The following SPATS2 variants were observed in gnomAD, a reference collection of about 807,000 sequenced individuals.
SPATS2 encodes the protein spermatogenesis-associated serine-rich protein 2.
In SPATS2, 38 loss-of-function variants were observed where a neutral mutation model predicts 63.7. That is an observed-to-expected ratio of 0.60 (90% confidence interval 0.46 to 0.78). The LOEUF (loss-of-function observed/expected upper bound fraction) is 0.78, where lower values mean the gene tolerates loss of function less well. Among genes scored for constraint, SPATS2 ranks in the 30% least tolerant of loss-of-function variants. SPATS2 has a pLI of 0.00. For missense variants in SPATS2, 588 were observed against 666.2 expected, an observed-to-expected ratio of 0.88 and a Z score of 1.29; for synonymous variants, 207 against 232.9, an observed-to-expected ratio of 0.89 and a Z score of 1.01.
At chr12:49,436,068 C>T (rs979003819) in intron 2 of SPATS2, among the ~76,000 whole-genome samples, 3 of 151,852 alleles carry the variant, frequency 2.0e-5, no homozygotes, top group East Asian at 3.9e-4. Context: ...GGCAACCATC[C>T]GATTTCTCAA....
chr12:49,438,890 G>C (rs1356962977), intron 2 of SPATS2, among the ~76,000 whole-genome samples: 1 of 152,120 alleles, frequency 6.6e-6, no homozygotes, highest in South Asian at 2.1e-4. Context: ...GAATTATCAA[G>C]ATAATCAAAG....
intron 2 of SPATS2, among the ~76,000 whole-genome samples, chr12:49,372,860 A>G (rs1415471649): frequency 6.6e-6 from 1 of 152,080 alleles, no homozygotes. Context: ...GCTGTAACAT[A>G]ATACCAAATA....
intron 2 of SPATS2, among the ~76,000 whole-genome samples, chr12:49,433,009 A>G (rs548746404): frequency 2.0e-5 from 3 of 152,280 alleles, no homozygotes; most frequent in South Asian, 2.1e-4. Flanking sequence ...CATAGTGGCC[A>G]TTACCATTTT....
At chr12:49,387,638 CAAAAAAAA>C (rs35910147) in intron 2 of SPATS2, among the ~76,000 whole-genome samples, 3 of 66,174 alleles carry the variant, frequency 4.5e-5, no homozygotes, top group Non-Finnish European at 6.3e-5. Flanking sequence ...GACTCTGTCT[CAAAAAAAA>C]AAAAAAAAAA....
chr12:49,367,282 G>A, upstream of SPATS2: 1 of 350,476 alleles, frequency 2.9e-6, no homozygotes, highest in Non-Finnish European at 5.1e-6. Context: ...TGGCTGGCTG[G>A]CTGGCGCGCA....
At chr12:49,431,569 AT>A (rs776599362) in intron 2 of SPATS2, among the ~76,000 whole-genome samples, 19 of 152,132 alleles carry the variant, frequency 1.2e-4, no homozygotes, top group Non-Finnish European at 2.1e-4. Flanking sequence ...TCTCAAAAAC[AT>A]TTGCACAGTA....
intron 2 of SPATS2, among the ~76,000 whole-genome samples, chr12:49,437,523 C>T (rs1273622071): frequency 1.3e-5 from 2 of 152,184 alleles, no homozygotes; most frequent in African/African-American, 4.8e-5. Context: ...CGCCACTGCA[C>T]TCCAGCCTGG....
chr12:49,412,695 A>ATGATCT (rs1053925292), intron 2 of SPATS2, among the ~76,000 whole-genome samples: 11 of 151,774 alleles, frequency 7.2e-5, no homozygotes, highest in Non-Finnish European at 1.5e-4. Flanking sequence ...TCAGTGAGCC[A>ATGATCT]TGATCACAAC....
chr12:49,444,210 G>T lies in SPATS2; in HGVS notation c.-243-16560G>T, dbSNP rs983289673. Among the ~76,000 whole-genome samples, 71 of 139,878 alleles carry T rather than the reference G, an allele frequency of 5.1e-4. No individual in the cohort carries two copies. In the South Asian group the frequency reaches 0.013, roughly 25 times the overall value. 91.8% of individuals were successfully genotyped at this position (139,878 alleles called of 152,430 possible). ...TTTTATTCCTAAGTATTTAAGTTTT[G>T]TTGTTGTTTTTTTTTTTTTAAGAGA... On this transcript the variant is annotated intron_variant, in intron 2 of 13. Coordinates refer to ENST00000552918, the MANE Select transcript of SPATS2 (RefSeq NM_023071.4).
intron 10 of SPATS2, among the ~76,000 whole-genome samples, 200 bp downstream of exon 10, chr12:49,514,813 C>G (rs1355398830): frequency 6.6e-6 from 1 of 152,026 alleles, no homozygotes; most frequent in Non-Finnish European, 1.5e-5. Context: ...AAAATATTTC[C>G]AAATCTTAAT....
intron 2 of SPATS2, among the ~76,000 whole-genome samples, chr12:49,427,975 G>T (rs1945110746): frequency 6.6e-6 from 1 of 151,732 alleles, no homozygotes; most frequent in Non-Finnish European, 1.5e-5. Context: ...AAAATTTCAG[G>T]CCGGGCGCGG....
chr12:49,493,357 C>G (rs920394222), intron 6 of SPATS2, among the ~76,000 whole-genome samples: 2 of 151,038 alleles, frequency 1.3e-5, no homozygotes, highest in African/African-American at 4.9e-5. Context: ...ACTCACATGG[C>G]TCAAAATTCA....
chr12:49,519,014 A>G, intron 10 of SPATS2, 59 bp from the exon 11 acceptor site: 1 of 1,372,558 alleles, frequency 7.3e-7, no homozygotes, highest in Non-Finnish European at 1.0e-6. Flanking sequence ...TTATATTTCT[A>G]GTTCTTCTTT....
rs761574170 is a variant in SPATS2 at position 49,524,889 on chromosome 12, T to C, written c.1319T>C (p.Leu440Pro). The change falls in exon 13 of 14, where the codon CTT (leucine) becomes CCT (proline). Residue 440 changes from leucine to proline, a missense_variant. Transcript: ENST00000552918. ...TCCAGTGGCCAGCCCTACCAGCCAC[T>C]TCGGGAGGTAACCTAGCTTCTACAC... ...ANSSGQPYQP[L>P]REVLPGNRRG... is the part of the protein sequence containing the mutation. 1.4e-5 allele frequency: 22 copies of C among 1,613,156 alleles called. No homozygotes were observed. Among genetic ancestry groups the C allele is most frequent in the African/African-American group, 2.7e-5 (2 of 74,902 alleles).
chr12:49,389,825 G>C, intron 2 of SPATS2: 1 of 919,566 alleles, frequency 1.1e-6, no homozygotes. Flanking sequence ...CGATGAGCAA[G>C]TATCGAGAAC....
At chr12:49,406,185 A>C (rs977672722) in intron 2 of SPATS2, among the ~76,000 whole-genome samples, 2 of 152,136 alleles carry the variant, frequency 1.3e-5, no homozygotes, top group Non-Finnish European at 2.9e-5. Context: ...GATAGCTTGA[A>C]TTCGGGAGGA....
chr12:49,382,359 C>T (rs1022945581), intron 2 of SPATS2, among the ~76,000 whole-genome samples: 3 of 152,254 alleles, frequency 2.0e-5, no homozygotes, highest in African/African-American at 7.2e-5. Flanking sequence ...TGAAGACAGT[C>T]TCCCAGTTTT....
intron 2 of SPATS2, chr12:49,389,681 G>T: frequency 6.7e-7 from 1 of 1,500,054 alleles, no homozygotes; most frequent in Non-Finnish European, 9.3e-7. Context: ...GCTTAATGAA[G>T]TCGCAAGAAC....
At chr12:49,396,056 ATGT>A (rs1944505394) in intron 2 of SPATS2, among the ~76,000 whole-genome samples, 2 of 152,326 alleles carry the variant, frequency 1.3e-5, no homozygotes, top group African/African-American at 4.8e-5. Flanking sequence ...GGGTTCATCC[ATGT>A]TGTCACATGT....
Sources: allele counts gnomAD v4.1 joint callset (sites outside exome capture counted in the v4.1 genomes callset), GRCh38; gene constraint gnomAD v4.1.1; transcripts MANE v1.5; gene names NCBI Gene and HGNC (gene_info 2026-07-23, HGNC 2026-07-21).